NWD2: variants seen among roughly 807,000 people sequenced by gnomAD.
NWD2 encodes NACHT and WD repeat domain containing 2, also known as NACHT and WD repeat domain-containing protein 2.
In NWD2, 37 loss-of-function variants were observed where a neutral mutation model predicts 132.7. That is an observed-to-expected ratio of 0.28 (90% CI 0.21 to 0.37). The LOEUF is 0.37. Among genes scored for constraint, NWD2 ranks in the 10% least tolerant of loss-of-function variants. The pLI is 1.00. For synonymous variants in NWD2, 705 were observed against 803.0 expected, an observed-to-expected ratio of 0.88 and a Z score of 2.06; for missense variants, 1,592 against 2,122.4, an observed-to-expected ratio of 0.75 and a Z score of 4.91.
At chr4:37,440,337 A>G (rs1712449004) in intron 6 of NWD2, among the ~76,000 whole-genome samples, 1 of 152,184 alleles carries the variant, frequency 6.6e-6, no homozygotes, top group Non-Finnish European at 1.5e-5. Context: ...CATGTAGCAC[A>G]TGGGAAACAC....
chr4:37,366,708 A>C (rs1032847493), intron 3 of NWD2, among the ~76,000 whole-genome samples: 17 of 152,294 alleles, frequency 1.1e-4, no homozygotes, highest in Middle Eastern at 3.4e-3. Flanking sequence ...AAAGAAAATT[A>C]CATCAATATC....
intron 2 of NWD2, among the ~76,000 whole-genome samples, chr4:37,354,697 C>T (rs1719835617): frequency 2.0e-5 from 3 of 152,174 alleles, no homozygotes; most frequent in Non-Finnish European, 4.4e-5. Context: ...TCAGCATTTG[C>T]AGCAGCTCTG....
chr4:37,348,675 T>TATATATATATATATACACACAC (rs1308407988), intron 2 of NWD2, among the ~76,000 whole-genome samples: 1 of 22,572 alleles, frequency 4.4e-5, no homozygotes. Flanking sequence ...TATATATATA[T>TATATATATATATATACACACAC]ACACACACAC....
intron 3 of NWD2, among the ~76,000 whole-genome samples, chr4:37,409,786 C>A (rs1721118904): frequency 6.6e-6 from 1 of 152,150 alleles, no homozygotes; most frequent in African/African-American, 2.4e-5. Context: ...AAGGGAAGCC[C>A]ATCAGACTAA....
At chr4:37,268,100 C>G (rs1229347422) in intron 1 of NWD2, among the ~76,000 whole-genome samples, 1 of 151,906 alleles carries the variant, frequency 6.6e-6, no homozygotes, top group Non-Finnish European at 1.5e-5. Flanking sequence ...CATCAAACTA[C>G]TCTCACCACC....
intron 1 of NWD2, among the ~76,000 whole-genome samples, chr4:37,318,228 T>A (rs1322247322): frequency 6.6e-6 from 1 of 152,000 alleles, no homozygotes; most frequent in Non-Finnish European, 1.5e-5. Flanking sequence ...GGTTTCACCA[T>A]GTTGGCCAGG....
At chr4:37,389,332 A>T (rs1047423957) in intron 3 of NWD2, among the ~76,000 whole-genome samples, 1 of 152,062 alleles carries the variant, frequency 6.6e-6, no homozygotes, top group Non-Finnish European at 1.5e-5. Context: ...AAGAAAATCC[A>T]ATCTTCTCCT....
intron 1 of NWD2, among the ~76,000 whole-genome samples, chr4:37,319,799 T>C (rs1451316296): frequency 6.6e-6 from 1 of 152,226 alleles, no homozygotes; most frequent in Non-Finnish European, 1.5e-5. Context: ...TGCAGCTTTA[T>C]TTCTGCATTC....
At chr4:37,285,433 C>A (rs940211274) in intron 1 of NWD2, among the ~76,000 whole-genome samples, 4 of 151,650 alleles carry the variant, frequency 2.6e-5, no homozygotes, top group Non-Finnish European at 5.9e-5. Flanking sequence ...CTAAGGCCTT[C>A]TAATAATACA....
At chr4:37,309,161 A>G (rs1363633895) in intron 1 of NWD2, among the ~76,000 whole-genome samples, 2 of 152,126 alleles carry the variant, frequency 1.3e-5, no homozygotes, top group East Asian at 3.9e-4. Context: ...CCTGCAGGCA[A>G]TGCAGCAGCT....
chr4:37,334,731 G>A (rs972524360), intron 2 of NWD2, among the ~76,000 whole-genome samples: 17 of 152,034 alleles, frequency 1.1e-4, no homozygotes, highest in Admixed American at 9.8e-4. Context: ...ATCTCCATCC[G>A]AGTCCAGCCC....
chr4:37,338,834 C>G (rs1719464320), intron 2 of NWD2, among the ~76,000 whole-genome samples: 1 of 152,182 alleles, frequency 6.6e-6, no homozygotes, highest in African/African-American at 2.4e-5. Flanking sequence ...TCTCCTCTGT[C>G]TCTTAACTGT....
intron 3 of NWD2, among the ~76,000 whole-genome samples, chr4:37,369,877 G>A (rs1720180794): frequency 6.6e-6 from 1 of 152,134 alleles, no homozygotes; most frequent in African/African-American, 2.4e-5. Flanking sequence ...TTCCCAGTTT[G>A]GAAATATGCA....
intron 3 of NWD2, among the ~76,000 whole-genome samples, chr4:37,407,593 T>C (rs905683340): frequency 2.0e-5 from 3 of 152,194 alleles, no homozygotes; most frequent in Admixed American, 6.5e-5. Flanking sequence ...TAGAATAAAA[T>C]GCCTTCTAAC....
intron 5 of NWD2, among the ~76,000 whole-genome samples, chr4:37,437,511 T>C (rs1712352111): frequency 6.6e-6 from 1 of 152,160 alleles, no homozygotes; most frequent in Non-Finnish European, 1.5e-5. Context: ...GGCTCCATAA[T>C]GGATTATTTT....
At chr4:37,406,701 C>T (rs1003446761) in intron 3 of NWD2, among the ~76,000 whole-genome samples, 1 of 151,934 alleles carries the variant, frequency 6.6e-6, no homozygotes. Flanking sequence ...AGTTTGAGAC[C>T]CGCCTGACCA....
intron 3 of NWD2, among the ~76,000 whole-genome samples, chr4:37,422,700 C>T (rs934370578): frequency 1.3e-5 from 2 of 152,136 alleles, no homozygotes; most frequent in African/African-American, 4.8e-5. Flanking sequence ...GTTTGATTCT[C>T]ATGATGCACC....
At chr4:37,403,698 G>A (rs1720942238) in intron 3 of NWD2, among the ~76,000 whole-genome samples, 2 of 152,164 alleles carry the variant, frequency 1.3e-5, no homozygotes, top group Admixed American at 6.5e-5. Flanking sequence ...GACTCTACTT[G>A]TTTCTGCATT....
At chr4:37,302,915 C>G (rs1427494371) in intron 1 of NWD2, among the ~76,000 whole-genome samples, 2 of 152,086 alleles carry the variant, frequency 1.3e-5, no homozygotes, top group Non-Finnish European at 2.9e-5. Context: ...AGTCTCTTTA[C>G]TCTGTTGATT....
Sources: gnomAD v4.1 joint callset for allele counts (sites outside exome capture counted in the v4.1 genomes callset) on GRCh38, gnomAD v4.1.1 for gene constraint, MANE v1.5 for transcripts, NCBI Gene and HGNC (gene_info 2026-07-23, HGNC 2026-07-21) for gene names.